The following RPS6KB1 variants were observed in gnomAD, a reference collection of about 807,000 sequenced individuals.
RPS6KB1 encodes ribosomal protein S6 kinase beta-1.
Under a neutral mutation model 70.2 loss-of-function variants are expected in RPS6KB1, and 12 were observed. The ratio of observed to expected loss-of-function variants is 0.17; its 90% CI spans 0.11 to 0.28. RPS6KB1 has a LOEUF of 0.28. RPS6KB1 is among the 10% of genes least tolerant of loss of function. RPS6KB1 has a pLI of 1.00. For synonymous variants in RPS6KB1, 175 were observed against 211.2 expected (o/e 0.83, Z 1.49); for missense variants, 270 against 646.6 (o/e 0.42, Z 6.32).
intron 1 of RPS6KB1, among the ~76,000 whole-genome samples, chr17:59,902,042 G>T (rs1168377474): frequency 4.1e-5 from 6 of 146,920 alleles, no homozygotes; most frequent in Non-Finnish European, 9.0e-5. Flanking sequence ...GCTTTTTCTG[G>T]ACATTCCATA....
intron 4 of RPS6KB1, among the ~76,000 whole-genome samples, chr17:59,922,365 G>A (rs1001334107): frequency 4.6e-5 from 7 of 151,918 alleles, no homozygotes; most frequent in Non-Finnish European, 8.8e-5. Flanking sequence ...TAGTTAACAA[G>A]TGATCTGTGG....
intron 13 of RPS6KB1, 84 bp from the exon 14 acceptor site, chr17:59,945,322 G>A (rs2044859673): frequency 4.3e-6 from 3 of 700,240 alleles, no homozygotes; most frequent in East Asian, 2.7e-5. Flanking sequence ...GCATCATTGT[G>A]TAGGTATGTC....
intron 1 of RPS6KB1, chr17:59,907,175 T>G (rs143921285): frequency 1.5e-4 from 23 of 152,330 alleles, no homozygotes; most frequent in Admixed American, 1.5e-3. Flanking sequence ...GGCTAATTTT[T>G]TATATTTTTA....
chr17:59,940,146 T>C (rs1259700030), intron 12 of RPS6KB1, among the ~76,000 whole-genome samples: 1 of 152,182 alleles, frequency 6.6e-6, no homozygotes, highest in Non-Finnish European at 1.5e-5. Context: ...ATTACAAACC[T>C]GCAGTAGCCA....
intron 12 of RPS6KB1, among the ~76,000 whole-genome samples, chr17:59,938,842 G>T (rs769146200): frequency 6.6e-6 from 1 of 151,952 alleles, no homozygotes; most frequent in Non-Finnish European, 1.5e-5. Context: ...GTCACAGGTT[G>T]GGGGAGGGAA....
intron 4 of RPS6KB1, among the ~76,000 whole-genome samples, chr17:59,925,278 A>G (rs912819542): frequency 1.3e-5 from 2 of 152,140 alleles, no homozygotes; most frequent in Middle Eastern, 3.4e-3. Context: ...TTTGCTTTCC[A>G]TATTACTTAT....
intron 1 of RPS6KB1, among the ~76,000 whole-genome samples, chr17:59,901,102 C>T (rs948314007): frequency 7.3e-5 from 11 of 151,444 alleles, no homozygotes; most frequent in African/African-American, 2.7e-4. Context: ...TGGAGTTTCC[C>T]ATGAGCCGAG....
chr17:59,911,892 A>G (rs955648501), intron 2 of RPS6KB1, among the ~76,000 whole-genome samples: 1 of 152,092 alleles, frequency 6.6e-6, no homozygotes, highest in Admixed American at 6.6e-5. Flanking sequence ...CACCACGCCC[A>G]TTGGATTCTT....
intron 2 of RPS6KB1, chr17:59,912,473 C>T (rs1042273785): frequency 2.6e-5 from 12 of 454,324 alleles, no homozygotes; most frequent in Middle Eastern, 6.2e-4. Flanking sequence ...TAATTGATTG[C>T]CCATTCTATG....
Position 59,950,484 on chromosome 17 carries a change from A to C in RPS6KB1, c.*3696A>C, listed in dbSNP as rs2145104319. 7.1e-6 allele frequency: 1 copy of C among 140,914 alleles called. No homozygotes were observed. Among genetic ancestry groups the C allele is most frequent in the African/African-American group, 2.8e-5 (1 of 35,942 alleles). The allele number at this position is 140,914 out of a possible 1,614,324, so 8.7% of individuals were successfully genotyped here. On this transcript the variant is annotated 3_prime_UTR_variant, in exon 15 of 15. Transcript: ENST00000225577. ...ATAGGAAGGAATTAGTATACGTATC[A>C]GGTGTATAAATGGTTTAAATTTATT...
chr17:59,941,355 T>C (rs1205672359), intron 13 of RPS6KB1, among the ~76,000 whole-genome samples: 1 of 149,662 alleles, frequency 6.7e-6, no homozygotes, highest in Admixed American at 6.8e-5. Context: ...GGGTCTCACC[T>C]TGTAGCCTAG....
At chr17:59,941,421 C>T (rs560455373) in intron 13 of RPS6KB1, among the ~76,000 whole-genome samples, 1 of 151,198 alleles carries the variant, frequency 6.6e-6, no homozygotes, top group South Asian at 2.1e-4. Flanking sequence ...ACCTCCCAGG[C>T]TCAAGTGATC....
intron 10 of RPS6KB1, 125 bp from the exon 11 acceptor site, chr17:59,936,090 A>T: frequency 3.8e-6 from 3 of 799,180 alleles, no homozygotes; most frequent in Non-Finnish European, 6.0e-6. Flanking sequence ...TACAGGCATG[A>T]GCCACTGTGC....
intron 12 of RPS6KB1, 146 bp downstream of exon 12, chr17:59,936,687 C>T: frequency 3.0e-6 from 2 of 670,516 alleles, no homozygotes; most frequent in Non-Finnish European, 5.2e-6. Flanking sequence ...ATCTACAAAA[C>T]ATTTAAAAGT....
chr17:59,944,286 A>G (rs2044794047), intron 13 of RPS6KB1, among the ~76,000 whole-genome samples: 1 of 152,238 alleles, frequency 6.6e-6, no homozygotes, highest in East Asian at 1.9e-4. Context: ...GGTTAAAAGA[A>G]TGAACATTGA....
At chr17:59,915,318 C>T (rs1470224823) in intron 4 of RPS6KB1, among the ~76,000 whole-genome samples, 1 of 151,820 alleles carries the variant, frequency 6.6e-6, no homozygotes, top group Non-Finnish European at 1.5e-5. Flanking sequence ...AGTTGCAATA[C>T]TTTTTAGAAT....
At chr17:59,920,941 G>A (rs944543219) in intron 4 of RPS6KB1, among the ~76,000 whole-genome samples, 19 of 152,054 alleles carry the variant, frequency 1.2e-4, no homozygotes, top group African/African-American at 4.6e-4. Flanking sequence ...TCAAGTGACC[G>A]CCCACCTCAG....
intron 4 of RPS6KB1, among the ~76,000 whole-genome samples, chr17:59,917,702 G>A (rs962721789): frequency 2.0e-5 from 3 of 152,210 alleles, no homozygotes; most frequent in Non-Finnish European, 2.9e-5. Flanking sequence ...CTCCCAAAGT[G>A]TTGGGATTAC....
intron 5 of RPS6KB1, among the ~76,000 whole-genome samples, chr17:59,928,231 C>T (rs1598775571): frequency 3.9e-5 from 6 of 151,956 alleles, no homozygotes; most frequent in Admixed American, 3.9e-4. Context: ...TACCATTTCA[C>T]CACATTTATT....
Sources: gnomAD v4.1 joint callset for allele counts (sites outside exome capture counted in the v4.1 genomes callset) on GRCh38, gnomAD v4.1.1 for gene constraint, MANE v1.5 for transcripts, NCBI Gene and HGNC (gene_info 2026-07-23, HGNC 2026-07-21) for gene names.